Variants in CASP1 observed in about 807,000 individuals in gnomAD.
CASP1 encodes caspase-1.
CASP1 carries 31 observed loss-of-function variants against 41.2 expected under a neutral mutation model. The observed-to-expected ratio is 0.75, with a 90% CI of 0.57 to 1.02. The LOEUF (loss-of-function observed/expected upper bound fraction) is 1.02, where lower values mean the gene tolerates loss of function less well. CASP1 is among the 50% of genes least tolerant of loss of function. The pLI, the probability that CASP1 is intolerant of heterozygous loss-of-function variation, is 0.00. For synonymous variants in CASP1, 163 were observed against 166.5 expected (o/e 0.98, Z 0.16); for missense variants, 490 against 495.7 (o/e 0.99, Z 0.11).
chr11:105,033,015 C>T (rs1330122351), intron 3 of CASP1, 49 bp downstream of exon 3: 1 of 1,136,832 alleles, frequency 8.8e-7, no homozygotes, highest in Non-Finnish European at 1.3e-6. Flanking sequence ...AAATTAATGT[C>T]AAGGAAGATG....
intron 7 of CASP1, 177 bp from the exon 8 acceptor site, chr11:105,027,128 A>T: frequency 1.5e-6 from 1 of 657,370 alleles, no homozygotes. Context: ...AAATATCTAA[A>T]TGTGCATTCC....
intron 2 of CASP1, 171 bp downstream of exon 2, chr11:105,034,037 A>G (rs1253494903): frequency 2.7e-6 from 3 of 1,099,572 alleles, no homozygotes; most frequent in Admixed American, 3.5e-5. Flanking sequence ...ATTAAGGAAA[A>G]GAATCAAAGG....
Position 105,033,055 on chromosome 11 carries a change from C to T in CASP1, c.337+9G>A. 3 of 1,536,816 alleles carry T rather than the reference C, an allele frequency of 2.0e-6. No homozygotes were observed. The highest frequency in any genetic ancestry group is 2.7e-6 in the Non-Finnish European group (3 of 1,111,910). On this transcript the variant is annotated intron_variant, in intron 3 of 8. Coordinates refer to ENST00000533400, the MANE Select transcript of CASP1 (RefSeq NM_001257118.3). ...TCAAAGAATGCTCTTCCTTTAAAAA[C>T]AGCATTACCTGGAAAGGAAGAAAGT...
Position 105,026,948 on chromosome 11 carries a change from T to G in CASP1, c.1010A>C (p.Asn337Thr). 1 of 1,524,832 alleles carries G rather than the reference T, an allele frequency of 6.6e-7. No homozygotes were observed. Among genetic ancestry groups the G allele is most frequent in the Non-Finnish European group, 9.1e-7 (1 of 1,098,810 alleles). The allele number at this position is 1,524,832 out of a possible 1,614,324, so 94.5% of individuals were successfully genotyped here. A position where few individuals can be genotyped will look rare whatever the true frequency, so the allele number is the denominator to read the frequency against. The change falls in exon 8 of 9, where the codon AAT (asparagine) becomes ACT (threonine). Residue 337 changes from asparagine to threonine, a missense_variant. Coordinates refer to ENST00000533400, the MANE Select transcript of CASP1 (RefSeq NM_001257118.3). ...CATTGTGGGATGTCTCCAAGAAACA[T>G]TATCTATGGATAAAGCACATTTCAA... ...FIAFCSSTPD[N>T]VSWRHPTMGS...
At position 105,029,875 on chromosome 11, in the gene CASP1, A is replaced by G; in HGVS notation, c.652T>C (p.Phe218Leu). The change falls in exon 6 of 9, where the codon TTT becomes CTT. Residue 218 changes from phenylalanine (F) to leucine (L), a missense_variant. Phe to Leu is a conservative substitution (Grantham distance 22). Transcript: ENST00000533400. Reference sequence around the variant, plus strand: ...GTCTTGTGCTCTGGGCGGTGTGCAAATGCCTCCAGCTCTGTAGTCATGTCC... The same window carrying G: ...GTCTTGTGCTCTGGGCGGTGTGCAAGTGCCTCCAGCTCTGTAGTCATGTCC... ...ASDMTTELEA[F>L]AHRPEHKTSD... 6.2e-7 allele frequency: 1 copy of G among 1,613,582 alleles called. No homozygotes were observed. The highest frequency in any genetic ancestry group is 8.5e-7 in the Non-Finnish European group (1 of 1,179,628).
In CASP1 at chr11:105,033,973, C is replaced by T. The variant is rs759010033; in HGVS notation, c.274+235G>A. 177 of 799,862 alleles carry T rather than the reference C, an allele frequency of 2.2e-4. No individual in the cohort carries two copies. The highest frequency in any genetic ancestry group is 3.5e-4 in the Non-Finnish European group (161 of 454,392). The allele number at this position is 799,862 out of a possible 1,614,324, so 49.5% of individuals were successfully genotyped here. The stretch of plus-strand genomic sequence containing the variant: ...GTTCTCAAGAGCTTCAGTAAAGGAG[C>T]TACCACATACTCAGAACAGGAAATG... On this transcript the variant is annotated intron_variant, in intron 2 of 8. Coordinates refer to ENST00000533400, the MANE Select transcript of CASP1 (RefSeq NM_001257118.3).
At chr11:105,028,474 C>T (rs1265449087) in intron 7 of CASP1, among the ~76,000 whole-genome samples, 1 of 151,822 alleles carries the variant, frequency 6.6e-6, no homozygotes, top group Non-Finnish European at 1.5e-5. Flanking sequence ...TATTTTGTGT[C>T]GTGCCCAATA....
chr11:105,026,950 A>T lies in CASP1; in HGVS notation c.1008T>A (p.Asp336Glu). 1.3e-6 allele frequency: 2 copies of T among 1,512,070 alleles called. No individual in the cohort carries two copies. The highest frequency in any genetic ancestry group is 1.8e-6 in the Non-Finnish European group (2 of 1,087,234). 93.7% of individuals were successfully genotyped at this position (1,512,070 alleles called of 1,614,324 possible). A position where few individuals can be genotyped will look rare whatever the true frequency, so the allele number is the denominator to read the frequency against. ...DFIAFCSSTP[D>E]NVSWRHPTMG... ...TTGTGGGATGTCTCCAAGAAACATT[A>T]TCTATGGATAAAGCACATTTCAAAT... is the stretch of plus-strand genomic sequence containing the variant. Residue 336 changes from aspartate to glutamate, a missense_variant and splice_region_variant, in exon 8 of 9, where the codon GAT becomes GAA. Physicochemically the swap from Asp to Glu is conservative, Grantham distance 45. Transcript: ENST00000533400.
chr11:105,031,026 T>C, intron 4 of CASP1, 139 bp downstream of exon 4: 2 of 611,026 alleles, frequency 3.3e-6, no homozygotes, highest in Non-Finnish European at 6.0e-6. Flanking sequence ...GATATAGAAA[T>C]CCTTTATGTA....
rs145546719 is a variant in CASP1, at chr11:105,026,568, G to T, written c.1117-212C>A. 107 of 599,788 alleles carry T rather than the reference G, an allele frequency of 1.8e-4. No individual in the cohort carries two copies. In the African/African-American group the frequency reaches 1.9e-3, roughly 10 times the overall value. The allele number at this position is 599,788 out of a possible 1,614,324, so 37.2% of individuals were successfully genotyped here. ...TTTAAATCTGCTGCTGGATCTAATA[G>T]CCATGAGAGACACAGGTAAATTAGA... On this transcript the variant is annotated intron_variant, in intron 8 of 8. Transcript: ENST00000533400.
chr11:105,031,558 A>T (rs1211050163), intron 3 of CASP1, among the ~76,000 whole-genome samples: 2 of 152,190 alleles, frequency 1.3e-5, no homozygotes, highest in Admixed American at 6.6e-5. Flanking sequence ...GGGAAAATTT[A>T]AAGTCTATGC....
rs1459721901 is a variant in CASP1 at position 105,026,364 on chromosome 11, A to G, written c.1117-8T>C. ...CTCAAATGAAAATCGAACCTAAAAG[A>G]GTAAGGAAAGTCTGTAGCCCTTTTT... On this transcript the variant is annotated splice_region_variant and splice_polypyrimidine_tract_variant and intron_variant, in intron 8 of 8. Transcript: ENST00000533400. 2 of 1,584,134 alleles carry G rather than the reference A, an allele frequency of 1.3e-6. No individual in the cohort carries two copies. Among genetic ancestry groups the G allele is most frequent in the Non-Finnish European group, 1.7e-6 (2 of 1,154,770 alleles).
chr11:105,026,439 A>C (rs1863291143), intron 8 of CASP1, 83 bp from the exon 9 acceptor site: 1 of 829,314 alleles, frequency 1.2e-6, no homozygotes. Context: ...CCAAAAAACT[A>C]CAACAAATAT....
intron 2 of CASP1, 106 bp downstream of exon 2, chr11:105,034,102 A>C (rs1170617055): frequency 1.3e-6 from 2 of 1,592,646 alleles, no homozygotes; most frequent in Admixed American, 3.4e-5. Context: ...CCCTGAAGCC[A>C]GAAATAAGAA....
intron 6 of CASP1, 37 bp downstream of exon 6, chr11:105,029,628 T>G (rs1207521714): frequency 6.8e-7 from 1 of 1,468,758 alleles, no homozygotes; most frequent in Non-Finnish European, 9.5e-7. Flanking sequence ...AGGATAGTAT[T>G]TGATTGTCTG....
upstream of CASP1, among the ~76,000 whole-genome samples, chr11:105,035,506 G>T (rs1016676630): frequency 3.9e-5 from 6 of 151,962 alleles, no homozygotes; most frequent in Admixed American, 6.6e-5. Context: ...AAAGTTGTGG[G>T]TAATGTATGT....
rs1331851285 is a variant in CASP1, at chr11:105,029,220, T to C, written c.910A>G (p.Asn304Asp). 2 of 1,613,158 alleles carry C rather than the reference T, an allele frequency of 1.2e-6. No individual in the cohort carries two copies. The highest frequency in any genetic ancestry group is 2.7e-5 in the African/African-American group (2 of 74,864). Residue 304 changes from asparagine (N) to aspartate (D), a missense_variant, in exon 7 of 9, where the codon AAC becomes GAC. Coordinates refer to ENST00000533400, the MANE Select transcript of CASP1 (RefSeq NM_001257118.3). ...WFKDSVGVSGNLSLPTTEEFE... is the reference protein window; with the variant it reads ...WFKDSVGVSGDLSLPTTEEFE... Reference sequence around the variant, plus strand: ...TCTTCTGTAGTTGGTAAAGATAGGTTTCCAGAAACTCCTACTGAATCTTTA... The same window carrying C: ...TCTTCTGTAGTTGGTAAAGATAGGTCTCCAGAAACTCCTACTGAATCTTTA...
chr11:105,027,406 A>C (rs1312730129), intron 7 of CASP1, among the ~76,000 whole-genome samples: 1 of 152,174 alleles, frequency 6.6e-6, no homozygotes. Flanking sequence ...TTAACTATAA[A>C]AATCATAAAA....
intron 5 of CASP1, 95 bp downstream of exon 5, chr11:105,030,235 G>C (rs1418469433): frequency 1.9e-6 from 2 of 1,044,538 alleles, no homozygotes; most frequent in East Asian, 2.4e-5. Flanking sequence ...AGATTATCAA[G>C]AGATTACATT....
Sources: allele counts gnomAD v4.1 joint callset (sites outside exome capture counted in the v4.1 genomes callset), GRCh38; gene constraint gnomAD v4.1.1; transcripts MANE v1.5; gene names NCBI Gene and HGNC (gene_info 2026-07-23, HGNC 2026-07-21).